KSR2: variants seen among roughly 807,000 people sequenced by gnomAD.
The protein encoded by KSR2 is kinase suppressor of ras 2.
In KSR2, 25 loss-of-function variants were observed where a neutral mutation model predicts 107.8. That is an observed-to-expected ratio of 0.23 (90% CI 0.17 to 0.32). The LOEUF is 0.32. Among genes scored for constraint, KSR2 ranks in the 10% least tolerant of loss-of-function variants. The probability of loss-of-function intolerance (pLI) is 1.00; values close to 1 mark genes in which losing one functional copy is unlikely to be tolerated. For synonymous variants in KSR2, 480 were observed against 507.0 expected (o/e 0.95, Z 0.71); for missense variants, 887 against 1,268.9 (o/e 0.70, Z 4.57).
chr12:117,566,991 A>C (rs1368011957), intron 7 of KSR2, among the ~76,000 whole-genome samples: 2 of 152,158 alleles, frequency 1.3e-5, no homozygotes, highest in Non-Finnish European at 2.9e-5. Flanking sequence ...GATCTACTCA[A>C]GCAACAAGTA....
rs201431176 is a variant in KSR2, at chr12:117,558,493, G to T, written c.1393+13C>A. On this transcript the variant is annotated intron_variant, in intron 8 of 19. Coordinates refer to ENST00000339824, the MANE Select transcript of KSR2 (RefSeq NM_173598.6). ...CACCCCTGCCCCTAGGGCAGTAAGT[G>T]TTAAATAGTTACCTCCTCGGTGGAT... 2 of 1,612,900 alleles carry T rather than the reference G, an allele frequency of 1.2e-6. No homozygotes were observed. Among genetic ancestry groups the T allele is most frequent in the East Asian group, 4.5e-5 (2 of 44,870 alleles).
At chr12:117,862,544 C>T (rs1190638973) in intron 1 of KSR2, among the ~76,000 whole-genome samples, 1 of 152,084 alleles carries the variant, frequency 6.6e-6, no homozygotes, top group Non-Finnish European at 1.5e-5. Context: ...ACTCAGGAGG[C>T]TGAGGTGGGA....
intron 5 of KSR2, among the ~76,000 whole-genome samples, chr12:117,637,674 G>GGTTTTTTTTTTT (rs1565938342): frequency 2.7e-5 from 1 of 37,382 alleles, no homozygotes; most frequent in Admixed American, 3.3e-4. Context: ...GTCAGTTTTG[G>GGTTTTTTTTTTT]GTTTTTTTTT....
chr12:117,586,250 T>C (rs917674597), intron 5 of KSR2, among the ~76,000 whole-genome samples: 3 of 150,966 alleles, frequency 2.0e-5, no homozygotes, highest in African/African-American at 7.3e-5. Context: ...TGGGTGACGA[T>C]AAAGGAAAGG....
intron 14 of KSR2, among the ~76,000 whole-genome samples, chr12:117,504,194 G>A (rs1313965114): frequency 2.6e-5 from 4 of 152,130 alleles, no homozygotes; most frequent in Non-Finnish European, 1.5e-5. Context: ...AAAAACATGG[G>A]TTCTGTGCCC....
At chr12:117,587,448 C>T (rs752560726) in intron 5 of KSR2, among the ~76,000 whole-genome samples, 5 of 152,056 alleles carry the variant, frequency 3.3e-5, no homozygotes, top group Non-Finnish European at 7.4e-5. Flanking sequence ...CTAGAAAAGG[C>T]GAGAATGGAT....
At chr12:117,653,180 A>G (rs1251847444) in intron 5 of KSR2, among the ~76,000 whole-genome samples, 4 of 152,256 alleles carry the variant, frequency 2.6e-5, no homozygotes, top group African/African-American at 9.6e-5. Context: ...ATCTTGGAGA[A>G]TGACAGTGGA....
chr12:117,559,604 C>T (rs1418588412), intron 7 of KSR2, among the ~76,000 whole-genome samples: 1 of 152,138 alleles, frequency 6.6e-6, no homozygotes, highest in African/African-American at 2.4e-5. Context: ...ACACATTCAA[C>T]CAGGGCTTCC....
intron 1 of KSR2, among the ~76,000 whole-genome samples, chr12:117,886,948 G>C (rs1593340765): frequency 6.6e-6 from 1 of 152,174 alleles, no homozygotes; most frequent in African/African-American, 2.4e-5. Context: ...TTTTGAGACA[G>C]AGTCTTACTC....
chr12:117,947,191 G>GAAAAGAAAAGA (rs796859926), intron 1 of KSR2, among the ~76,000 whole-genome samples: 33 of 107,536 alleles, frequency 3.1e-4, no homozygotes, highest in Non-Finnish European at 3.4e-4. Context: ...AGAAAGAAAA[G>GAAAAGAAAAGA]AAAGAAAAGA....
chr12:117,474,564 C>T (rs1043532353), intron 17 of KSR2, among the ~76,000 whole-genome samples: 1 of 152,132 alleles, frequency 6.6e-6, no homozygotes, highest in African/African-American at 2.4e-5. Context: ...TTATCTCCCC[C>T]AGCCCTTGCA....
intron 1 of KSR2, among the ~76,000 whole-genome samples, chr12:117,930,463 G>A (rs1298690605): frequency 1.3e-5 from 2 of 152,086 alleles, no homozygotes; most frequent in Non-Finnish European, 2.9e-5. Context: ...CATGAGGCTG[G>A]GCCAGGTCCT....
intron 3 of KSR2, among the ~76,000 whole-genome samples, chr12:117,848,828 G>GGTGGTA (rs544901209): frequency 2.7e-3 from 334 of 124,886 alleles, no homozygotes; most frequent in East Asian, 0.013. Context: ...GGGTGGTGAT[G>GGTGGTA]GTGGTAGTGG....
chr12:117,731,405 C>T (rs1300061699), intron 4 of KSR2, among the ~76,000 whole-genome samples: 5 of 148,530 alleles, frequency 3.4e-5, no homozygotes, highest in African/African-American at 5.0e-5. Context: ...CCGCCCCGTC[C>T]GGGAGGGAGG....
At chr12:117,844,919 G>T (rs1026748679) in intron 3 of KSR2, among the ~76,000 whole-genome samples, 19 of 152,196 alleles carry the variant, frequency 1.2e-4, no homozygotes, top group African/African-American at 4.6e-4. Flanking sequence ...GGCCGAGGCA[G>T]GTGGATCACG....
intron 5 of KSR2, among the ~76,000 whole-genome samples, chr12:117,603,219 A>G (rs1201508779): frequency 1.3e-5 from 2 of 150,220 alleles, no homozygotes; most frequent in African/African-American, 4.9e-5. Context: ...AGCACAAATT[A>G]CTAAAGTGAT....
rs1462860838 is a variant in KSR2 at position 117,968,491 on chromosome 12, CCTCT to C, written c.-240_-237del. The C allele has an allele frequency of 5.5e-6, 7 of 1,284,238 alleles. No homozygotes were observed. The highest frequency in any genetic ancestry group is 3.9e-5 in the Admixed American group (1 of 25,390). 79.6% of individuals were successfully genotyped at this position (1,284,238 alleles called of 1,614,324 possible). On this transcript the variant is annotated 5_prime_UTR_variant, in exon 1 of 20. Transcript: ENST00000339824. ...TCAAGCGGACTCCATTAGAATGTCT[CCTCT>C]CTCTCTGAGTCTCTGGTCCCTGAAA...
chr12:117,942,518 T>C (rs1295061480), intron 1 of KSR2, among the ~76,000 whole-genome samples: 1 of 150,484 alleles, frequency 6.6e-6, no homozygotes, highest in Non-Finnish European at 1.5e-5. Flanking sequence ...AGACAGGGTC[T>C]TGCTCTGTCA....
At chr12:117,598,164 C>T (rs1880748952) in intron 5 of KSR2, among the ~76,000 whole-genome samples, 6 of 152,186 alleles carry the variant, frequency 3.9e-5, no homozygotes, top group Admixed American at 3.9e-4. Context: ...CCCCAACGTC[C>T]ATTATATCAT....
Sources: allele counts gnomAD v4.1 joint callset (sites outside exome capture counted in the v4.1 genomes callset), GRCh38; gene constraint gnomAD v4.1.1; transcripts MANE v1.5; gene names NCBI Gene and HGNC (gene_info 2026-07-23, HGNC 2026-07-21).